TFAP2D: variants seen among roughly 807,000 people sequenced by gnomAD.
TFAP2D encodes the protein transcription factor AP-2-delta.
TFAP2D carries 9 observed loss-of-function variants against 43.6 expected under a neutral mutation model. The ratio of observed to expected loss-of-function variants is 0.21; its 90% confidence interval spans 0.12 to 0.36. TFAP2D has a LOEUF of 0.36. TFAP2D is among the 10% of genes least tolerant of loss of function. TFAP2D has a pLI of 1.00. For missense variants in TFAP2D, 513 were observed against 561.4 expected, an observed-to-expected ratio of 0.91 and a Z score of 0.87; for synonymous variants, 256 against 224.9, an observed-to-expected ratio of 1.14 and a Z score of -1.24.
intron 7 of TFAP2D, among the ~76,000 whole-genome samples, chr6:50,771,933 A>T (rs751521071): frequency 1.3e-5 from 2 of 152,162 alleles, no homozygotes; most frequent in Admixed American, 6.5e-5. Flanking sequence ...CTATAACGAC[A>T]CATGCACACG....
intron 5 of TFAP2D, 23 bp downstream of exon 5, chr6:50,729,335 A>C: frequency 6.3e-7 from 1 of 1,594,888 alleles, no homozygotes; most frequent in Non-Finnish European, 8.6e-7. Flanking sequence ...AGTTTAGCAA[A>C]ATAATGCTGG....
Position 50,714,024 on chromosome 6 carries a change from A to AATTG in TFAP2D, c.-31_-28dup. The AATTG allele has an allele frequency of 6.2e-7, 1 of 1,612,634 alleles. No individual in the cohort carries two copies. The highest frequency in any genetic ancestry group is 1.1e-5 in the South Asian group (1 of 90,614). On this transcript the variant is annotated 5_prime_UTR_variant, in exon 1 of 8. Coordinates refer to ENST00000008391, the MANE Select transcript of TFAP2D (RefSeq NM_172238.4). ...TCCCGATTCTTTTTTTGGAGGGGGA[A>AATTG]ATTGCATCGTAAGCTTTCGGAGAAA...
chr6:50,746,161 T>C (rs938880362), intron 6 of TFAP2D, among the ~76,000 whole-genome samples: 1 of 152,202 alleles, frequency 6.6e-6, no homozygotes, highest in Non-Finnish European at 1.5e-5. Flanking sequence ...ATTAAGATTT[T>C]AGAACTGATA....
At chr6:50,735,931 C>T (rs962277441) in intron 5 of TFAP2D, among the ~76,000 whole-genome samples, 2 of 152,128 alleles carry the variant, frequency 1.3e-5, no homozygotes, top group Non-Finnish European at 2.9e-5. Context: ...TTAGGGATAA[C>T]ATCTGTTTAG....
rs1768676993 is a variant in TFAP2D, at chr6:50,719,254, A to G, written c.598+104A>G. On this transcript the variant is annotated intron_variant, in intron 3 of 7. Transcript: ENST00000008391. Reference sequence around the variant, plus strand: ...TCAGATTCCTTTTCTGATGATTAAGAAAACAATTATGCTTAGTCAATTATT... The same window carrying G: ...TCAGATTCCTTTTCTGATGATTAAGGAAACAATTATGCTTAGTCAATTATT... 54 of 1,190,458 alleles carry G rather than the reference A, an allele frequency of 4.5e-5. 1 individual carries two copies. In the South Asian group the frequency reaches 6.4e-4, roughly 14 times the overall value. 73.7% of individuals were successfully genotyped at this position (1,190,458 alleles called of 1,614,324 possible).
chr6:50,747,557 C>T (rs1048324796), intron 6 of TFAP2D, among the ~76,000 whole-genome samples: 1 of 152,056 alleles, frequency 6.6e-6, no homozygotes, highest in African/African-American at 2.4e-5. Flanking sequence ...TCATCTTGTC[C>T]TCCTTCCCCC....
intron 2 of TFAP2D, among the ~76,000 whole-genome samples, chr6:50,716,611 T>C (rs1768632218): frequency 6.6e-6 from 1 of 152,214 alleles, no homozygotes; most frequent in African/African-American, 2.4e-5. Context: ...AATTTATAAT[T>C]ATGCAATTAT....
rs760213223 is a variant in TFAP2D, at chr6:50,745,182, A to C, written c.959A>C (p.His320Pro). Residue 320 changes from histidine (H) to proline (P), a missense_variant, in exon 6 of 8, where the codon CAT becomes CCT. Transcript: ENST00000008391. ...TEFPAKAVGE[H>P]LARQHMEQKE... Reference sequence around the variant, plus strand: ...TTTCCAGCCAAAGCAGTAGGAGAACATCTTGCCAGACAACATATGGAACAG... The same window carrying C: ...TTTCCAGCCAAAGCAGTAGGAGAACCTCTTGCCAGACAACATATGGAACAG... 1.2e-6 allele frequency: 2 copies of C among 1,613,804 alleles called. No homozygotes were observed. Among genetic ancestry groups the C allele is most frequent in the South Asian group, 2.2e-5 (2 of 91,066 alleles).
At chr6:50,734,521 A>C (rs1321791517) in intron 5 of TFAP2D, among the ~76,000 whole-genome samples, 3 of 152,008 alleles carry the variant, frequency 2.0e-5, no homozygotes, top group Non-Finnish European at 2.9e-5. Flanking sequence ...TCATTCGCAG[A>C]CCCAGGGACC....
intron 7 of TFAP2D, among the ~76,000 whole-genome samples, chr6:50,757,424 A>AATATATATAGAATATATATACTTATTCT (rs1417781747): frequency 8.8e-6 from 1 of 113,854 alleles, no homozygotes; most frequent in African/African-American, 3.6e-5. Context: ...CTCTATATAG[A>AATATATATAGAATATATATACTTATTCT]ATATATATAG....
intron 5 of TFAP2D, among the ~76,000 whole-genome samples, chr6:50,730,606 T>C (rs1768873032): frequency 6.6e-6 from 1 of 152,122 alleles, no homozygotes; most frequent in South Asian, 2.1e-4. Context: ...TATCATTGTT[T>C]AAAAATATAA....
chr6:50,740,730 C>T (rs1057041134), intron 5 of TFAP2D, among the ~76,000 whole-genome samples: 1 of 152,158 alleles, frequency 6.6e-6, no homozygotes, highest in African/African-American at 2.4e-5. Context: ...AGCCACCACA[C>T]CCGGCCTAAA....
rs375897365 is a variant in TFAP2D at position 50,751,199 on chromosome 6, C to A, written c.1026-12C>A. Reference sequence around the variant, plus strand: ...GAAAATTTCAATTTTAAATTTGATTCTTTTATTTTAGACAAATCTGTAAAG... The same window carrying A: ...GAAAATTTCAATTTTAAATTTGATTATTTTATTTTAGACAAATCTGTAAAG... On this transcript the variant is annotated splice_polypyrimidine_tract_variant and intron_variant, in intron 6 of 7. Transcript: ENST00000008391. 6 of 1,567,060 alleles carry A rather than the reference C, an allele frequency of 3.8e-6. No homozygotes were observed. The African/African-American group carries it at 4.1e-5, about 11-fold the overall frequency.
Position 50,751,260 on chromosome 6 carries a change from C to T in TFAP2D, c.1075C>T (p.Leu359=). ...QDLLSQDRSP[L]GSSRPTPILD... The stretch of plus-strand genomic sequence containing the variant: ...CCTCTTGAGCCAAGATAGATCACCA[C>T]TGGGATCCTCCAGACCCACTCCAAT... Residue 359 remains leucine (L), a synonymous_variant, in exon 7 of 8, where the codon CTG becomes TTG. Transcript: ENST00000008391. 1 of 1,611,680 alleles carries T rather than the reference C, an allele frequency of 6.2e-7. No homozygotes were observed. Among genetic ancestry groups the T allele is most frequent in the Non-Finnish European group, 8.5e-7 (1 of 1,178,372 alleles).
intron 7 of TFAP2D, among the ~76,000 whole-genome samples, chr6:50,768,996 G>T (rs1182060849): frequency 6.7e-6 from 1 of 149,780 alleles, no homozygotes; most frequent in East Asian, 2.0e-4. Flanking sequence ...GGTTCAAGCG[G>T]TTCTCCTGCC....
rs776321877 is a variant in TFAP2D, at chr6:50,715,515, C to A, written c.439C>A (p.Leu147Ile). ...LDAYRRHDLS[L>I]MSHGSQYGMH... The stretch of plus-strand genomic sequence containing the variant: ...TGCCTACCGCCGCCATGACCTGTCC[C>A]TCATGAGCCATGGCTCTCAGTATGG... The change falls in exon 2 of 8, where the codon CTC becomes ATC. Residue 147 changes from leucine (L) to isoleucine (I), a missense_variant. Leu to Ile is a conservative substitution (Grantham distance 5). This residue lies in a region of TFAP2D where 311 missense variants were observed against 316.2 expected (regional missense o/e 0.98). Coordinates refer to ENST00000008391, the MANE Select transcript of TFAP2D (RefSeq NM_172238.4). 1.2e-6 allele frequency: 2 copies of A among 1,613,178 alleles called. No individual in the cohort carries two copies. The highest frequency in any genetic ancestry group is 4.5e-5 in the East Asian group (2 of 44,832).
rs539602505 is a variant in TFAP2D, at chr6:50,748,146, C to T, written c.1025+2898C>T. Among the ~76,000 whole-genome samples, 35 of 151,912 alleles carry T rather than the reference C, an allele frequency of 2.3e-4. 1 individual carries two copies. In the South Asian group the frequency reaches 5.8e-3, roughly 25 times the overall value. ...AGAGACTCCAGTCATAGCAAACATA[C>T]GTAATATAACCAGTAATCACTATAA... On this transcript the variant is annotated intron_variant, in intron 6 of 7. Transcript: ENST00000008391.
chr6:50,766,220 A>G (rs571747634), intron 7 of TFAP2D, among the ~76,000 whole-genome samples: 1 of 152,268 alleles, frequency 6.6e-6, no homozygotes, highest in South Asian at 2.1e-4. Context: ...CCATTGGTCT[A>G]TGTGTCTGTT....
chr6:50,734,077 A>G (rs1305994858), intron 5 of TFAP2D, among the ~76,000 whole-genome samples: 4 of 151,780 alleles, frequency 2.6e-5, no homozygotes, highest in Non-Finnish European at 4.4e-5. Context: ...AAAGGGAACC[A>G]GTTCCAAATA....
Sources: allele counts gnomAD v4.1 joint callset (sites outside exome capture counted in the v4.1 genomes callset), GRCh38; gene constraint gnomAD v4.1.1; regional missense constraint gnomAD v4.1.1; transcripts MANE v1.5; gene names NCBI Gene and HGNC (gene_info 2026-07-23, HGNC 2026-07-21).